ABCC5: variants seen among roughly 807,000 people sequenced by gnomAD.
ABCC5 encodes ATP-binding cassette sub-family C member 5.
Under a neutral mutation model 160.9 loss-of-function variants are expected in ABCC5, and 61 were observed. The ratio of observed to expected loss-of-function variants is 0.38; its 90% CI spans 0.31 to 0.47. The LOEUF (loss-of-function observed/expected upper bound fraction) is 0.47. ABCC5 is among the 20% of genes least tolerant of loss of function. The pLI, the probability that ABCC5 is intolerant of heterozygous loss-of-function variation, is 0.99. For synonymous variants in ABCC5, 666 were observed against 700.6 expected, an observed-to-expected ratio of 0.95 and a Z score of 0.78; for missense variants, 1,308 against 1,813.3, an observed-to-expected ratio of 0.72 and a Z score of 5.06.
At chr3:183,942,554 A>G in intron 25 of ABCC5, 173 bp downstream of exon 25, 1 of 797,912 alleles carries the variant, frequency 1.3e-6, no homozygotes. Context: ...TGTGAAAAGC[A>G]CTCAATGTCA....
chr3:183,983,875 C>T lies in ABCC5; in HGVS notation c.592-868G>A, dbSNP rs977669070. 2.6e-5 allele frequency: 26 copies of T among 985,340 alleles called. No individual in the cohort carries two copies. In the African/African-American group the frequency reaches 3.0e-4, roughly 11 times the overall value. The allele number at this position is 985,340 out of a possible 1,614,324, so 61.0% of individuals were successfully genotyped here. ...TAACATACATTGAAACATACAGAGT[C>T]GAGTTATACAGGACTAGCCATCTAA... On this transcript the variant is annotated intron_variant, in intron 5 of 29. Transcript: ENST00000334444.
intron 25 of ABCC5, among the ~76,000 whole-genome samples, chr3:183,942,227 C>T (rs1399729980): frequency 5.3e-5 from 8 of 151,928 alleles, no homozygotes; most frequent in African/African-American, 1.5e-4. Context: ...TTAGTAGAGA[C>T]GGGGTTTCAC....
intron 17 of ABCC5, 66 bp from the exon 18 acceptor site, chr3:183,953,336 T>A: frequency 6.9e-7 from 1 of 1,453,706 alleles, no homozygotes; most frequent in East Asian, 2.3e-5. Flanking sequence ...CTAAGTCACC[T>A]GCAGAGCAAC....
intron 1 of ABCC5, among the ~76,000 whole-genome samples, chr3:184,016,389 T>C (rs1472599259): frequency 1.3e-5 from 2 of 152,162 alleles, no homozygotes; most frequent in East Asian, 3.9e-4. Flanking sequence ...TTACTGTCTG[T>C]GGCCTTGAAC....
At chr3:183,977,866 C>G (rs377116459) in intron 9 of ABCC5, among the ~76,000 whole-genome samples, 2 of 152,114 alleles carry the variant, frequency 1.3e-5, no homozygotes, top group Non-Finnish European at 2.9e-5. Context: ...AATTCTCCTG[C>G]CTCAGCCTCC....
chr3:184,002,915 T>TA (rs1182420972), intron 2 of ABCC5, among the ~76,000 whole-genome samples: 2 of 152,282 alleles, frequency 1.3e-5, no homozygotes, highest in African/African-American at 4.8e-5. Context: ...CCAAGGGGGT[T>TA]AAAGGCTGCC....
At chr3:183,971,376 T>C (rs1717721135) in intron 11 of ABCC5, among the ~76,000 whole-genome samples, 187 bp downstream of exon 11, 1 of 152,258 alleles carries the variant, frequency 6.6e-6, no homozygotes, top group Admixed American at 6.5e-5. Context: ...TTAGTTGTTA[T>C]TCATTTCTGT....
Position 183,963,997 on chromosome 3 carries a change from C to CAG in ABCC5, c.2032-410_2032-409insCT, listed in dbSNP as rs1717006690. 3.9e-5 allele frequency among the ~76,000 whole-genome samples: 6 copies of CAG among 152,346 alleles called. No homozygotes were observed. The South Asian group carries it at 1.2e-3, about 32-fold the overall frequency. The stretch of plus-strand genomic sequence containing the variant: ...CCAAACATGGCATACAAACCAGACC[C>CAG]TTTGTCACCCAGTTCCCCAGCAGTT... On this transcript the variant is annotated intron_variant, in intron 14 of 29. Coordinates refer to ENST00000334444, the MANE Select transcript of ABCC5 (RefSeq NM_005688.4). The surrounding 1 kb of genome is among the most constrained non-coding windows in gnomAD (Gnocchi z 4.6).
chr3:183,927,982 G>A (rs1712758398), intron 27 of ABCC5: 1 of 217,654 alleles, frequency 4.6e-6, no homozygotes, highest in African/African-American at 2.3e-5. Flanking sequence ...CCCTAGGCCA[G>A]TGGTATCAAC....
chr3:183,977,514 T>C lies in ABCC5; in HGVS notation c.1404+3A>G, dbSNP rs1718327028. 1 of 1,608,820 alleles carries C rather than the reference T, an allele frequency of 6.2e-7. No individual in the cohort carries two copies. Among genetic ancestry groups the C allele is most frequent in the South Asian group, 1.1e-5 (1 of 90,884 alleles). On this transcript the variant is annotated splice_donor_region_variant and intron_variant, in intron 10 of 29. Transcript: ENST00000334444. ...CACGGGGGCAGGGGAAGGAGCCACT[T>C]ACCTTAAATCTGTCAACAGCCACTG...
intron 2 of ABCC5, among the ~76,000 whole-genome samples, chr3:183,991,891 A>G (rs954661553): frequency 1.3e-5 from 2 of 152,230 alleles, no homozygotes; most frequent in South Asian, 2.1e-4. Flanking sequence ...AGAAAGATAC[A>G]CTAAAAATAC....
intron 28 of ABCC5, 78 bp downstream of exon 28, chr3:183,927,252 T>G: frequency 7.0e-7 from 1 of 1,425,728 alleles, no homozygotes; most frequent in Non-Finnish European, 9.7e-7. Context: ...AGGAATACCT[T>G]TGGACCCCAG....
chr3:183,977,635 G>T lies in ABCC5; in HGVS notation c.1297-11C>A. The stretch of plus-strand genomic sequence containing the variant: ...CACCACTGTGAAAGCCTGAAAATAG[G>T]AGAAGAGAAGAAACTGTGCCTAATG... On this transcript the variant is annotated splice_polypyrimidine_tract_variant and intron_variant, in intron 9 of 29. Transcript: ENST00000334444. 6.2e-7 allele frequency: 1 copy of T among 1,600,286 alleles called. No individual in the cohort carries two copies. Among genetic ancestry groups the T allele is most frequent in the South Asian group, 1.1e-5 (1 of 90,532 alleles).
chr3:183,929,203 C>T (rs1712925601), intron 26 of ABCC5, among the ~76,000 whole-genome samples: 2 of 152,020 alleles, frequency 1.3e-5, no homozygotes, highest in Non-Finnish European at 2.9e-5. Context: ...GAGGCCGAGG[C>T]GGGTGGATTA....
At chr3:183,936,787 C>T (rs1241249434) in intron 26 of ABCC5, among the ~76,000 whole-genome samples, 1 of 152,140 alleles carries the variant, frequency 6.6e-6, no homozygotes, top group Non-Finnish European at 1.5e-5. Flanking sequence ...GGATTACAGG[C>T]GTGAGCCACC....
At chr3:183,945,442 G>C (rs1212188473) in intron 24 of ABCC5, among the ~76,000 whole-genome samples, 4 of 152,186 alleles carry the variant, frequency 2.6e-5, no homozygotes, top group African/African-American at 9.7e-5. Context: ...CACTGCAACA[G>C]AATCCAGAGA....
Position 183,945,855 on chromosome 3 carries a change from T to C in ABCC5, c.3499A>G (p.Ile1167Val). 6.2e-7 allele frequency: 1 copy of C among 1,613,890 alleles called. No homozygotes were observed. The highest frequency in any genetic ancestry group is 8.5e-7 in the Non-Finnish European group (1 of 1,179,800). The stretch of plus-strand genomic sequence containing the variant: ...AAGGCCTACAGCAGTCTGACCTTAA[T>C]GTAGTGATTGATCCTCTCCACCGAG... ...FTSVERINHY[I>V]KTLSLEAPAR... The change falls in exon 24 of 30, where the codon ATT becomes GTT. Residue 1167 changes from isoleucine (I) to valine (V), a missense_variant. By Grantham distance (29) the Ile-to-Val change is conservative. This residue lies in a region of ABCC5 where 1,142 missense variants were observed against 1,527.1 expected (regional missense o/e 0.75). Coordinates refer to ENST00000334444, the MANE Select transcript of ABCC5 (RefSeq NM_005688.4).
At chr3:183,975,665 C>G (rs1351618314) in intron 10 of ABCC5, among the ~76,000 whole-genome samples, 1 of 151,802 alleles carries the variant, frequency 6.6e-6, no homozygotes, top group East Asian at 1.9e-4. Flanking sequence ...TATCTTGTGC[C>G]AAGCATCTAA....
intron 12 of ABCC5, among the ~76,000 whole-genome samples, chr3:183,966,610 C>T (rs993918249): frequency 7.2e-5 from 11 of 152,112 alleles, no homozygotes; most frequent in African/African-American, 2.4e-4. Flanking sequence ...CTCCCCCCAT[C>T]TCTGTCTCTC....
Sources: allele counts gnomAD v4.1 joint callset (sites outside exome capture counted in the v4.1 genomes callset), GRCh38; gene constraint gnomAD v4.1.1; regional missense constraint gnomAD v4.1.1; non-coding constraint Gnocchi (gnomAD v3.1); transcripts MANE v1.5; gene names NCBI Gene and HGNC (gene_info 2026-07-23, HGNC 2026-07-21).